Variants in MAPRE2 observed in about 807,000 individuals in gnomAD.
MAPRE2 encodes microtubule associated protein RP/EB family member 2.
Under a neutral mutation model 43.2 loss-of-function variants are expected in MAPRE2, and 13 were observed. That is an observed-to-expected ratio of 0.30 (90% CI 0.20 to 0.48). MAPRE2 has a LOEUF of 0.48. MAPRE2 is among the 20% of genes least tolerant of loss of function. The probability of loss-of-function intolerance (pLI) is 0.99; values close to 1 mark genes in which losing one functional copy is unlikely to be tolerated. For missense variants in MAPRE2, 161 were observed against 400.2 expected (o/e 0.40, Z 5.10); for synonymous variants, 135 against 148.8 (o/e 0.91, Z 0.68).
intron 1 of MAPRE2, among the ~76,000 whole-genome samples, chr18:34,979,386 G>A (rs544007080): frequency 6.6e-6 from 1 of 152,274 alleles, no homozygotes; most frequent in South Asian, 2.1e-4. Context: ...TAATTACAGC[G>A]AGTAGTTTGT....
intron 2 of MAPRE2, among the ~76,000 whole-genome samples, chr18:35,032,561 G>A (rs768143885): frequency 5.9e-5 from 9 of 152,160 alleles, no homozygotes; most frequent in Non-Finnish European, 1.2e-4. Context: ...TCTGGCCTAA[G>A]TTCTAAGAGA....
intron 2 of MAPRE2, among the ~76,000 whole-genome samples, chr18:35,021,630 G>T (rs1165066147): frequency 1.3e-5 from 2 of 152,122 alleles, no homozygotes; most frequent in Non-Finnish European, 2.9e-5. Flanking sequence ...AAGTGCAAGA[G>T]CTTTGGCGAA....
At chr18:35,064,018 A>AAAAAAC in intron 1 of MAPRE2, among the ~76,000 whole-genome samples, 1 of 143,906 alleles carries the variant, frequency 6.9e-6, no homozygotes, top group Non-Finnish European at 1.5e-5. Context: ...AAAAAAAAAA[A>AAAAAAC]AAAAAAAAAA....
chr18:35,140,538 G>A lies in MAPRE2; in HGVS notation c.*169G>A. Reference sequence around the variant, plus strand: ...ACTGCGCTTGGTTCCCATTTTCTTTGCCAAGGTGTATTAGCGGACGGCCCT... The same window carrying A: ...ACTGCGCTTGGTTCCCATTTTCTTTACCAAGGTGTATTAGCGGACGGCCCT... On this transcript the variant is annotated 3_prime_UTR_variant, in exon 7 of 7. Transcript: ENST00000300249. 1 of 687,964 alleles carries A rather than the reference G, an allele frequency of 1.5e-6. No individual in the cohort carries two copies. Among genetic ancestry groups the A allele is most frequent in the Non-Finnish European group, 2.4e-6 (1 of 412,376 alleles). 42.6% of individuals were successfully genotyped at this position (687,964 alleles called of 1,614,324 possible).
At chr18:35,040,328 C>A (rs2097052982), upstream of MAPRE2, among the ~76,000 whole-genome samples, 1 of 152,202 alleles carries the variant, frequency 6.6e-6, no homozygotes, top group African/African-American at 2.4e-5. Flanking sequence ...TCACAGTTAT[C>A]TTTTCACAAC....
intron 4 of MAPRE2, among the ~76,000 whole-genome samples, chr18:35,117,778 G>T (rs1301542134): frequency 6.6e-6 from 1 of 152,162 alleles, no homozygotes; most frequent in Non-Finnish European, 1.5e-5. Context: ...ATAGTGATTG[G>T]ATGTGATACT....
chr18:35,131,595 A>G (rs1343733767), intron 5 of MAPRE2, among the ~76,000 whole-genome samples: 1 of 152,172 alleles, frequency 6.6e-6, no homozygotes, highest in African/African-American at 2.4e-5. Flanking sequence ...ACCCCATGAC[A>G]GCCACCTCCC....
intron 1 of MAPRE2, among the ~76,000 whole-genome samples, chr18:35,046,552 G>A (rs185794110): frequency 2.0e-3 from 308 of 152,280 alleles, no homozygotes; most frequent in African/African-American, 7.1e-3. Flanking sequence ...AAAAGCAGGC[G>A]GGGTAGTTGG....
rs528140887 is a variant in MAPRE2 at position 35,068,473 on chromosome 18, A to G, written c.123-1722A>G. On this transcript the variant is annotated intron_variant, in intron 1 of 6. Coordinates refer to ENST00000300249, the MANE Select transcript of MAPRE2 (RefSeq NM_014268.4). ...TTTTATCAATAAAGGTATAATTTCA[A>G]TGGATTGAAACATATCAAATATGTT... Among the ~76,000 whole-genome samples the G allele has an allele frequency of 5.9e-5, 9 of 152,358 alleles. No individual in the cohort carries two copies. The South Asian group carries it at 8.3e-4, about 14-fold the overall frequency.
intron 1 of MAPRE2, among the ~76,000 whole-genome samples, chr18:35,068,392 C>T (rs1408392687): frequency 1.3e-5 from 2 of 152,120 alleles, no homozygotes; most frequent in Non-Finnish European, 2.9e-5. Flanking sequence ...TTATCAAAGA[C>T]CACTAAGACT....
intron 2 of MAPRE2, among the ~76,000 whole-genome samples, chr18:35,091,984 A>G (rs559210859): frequency 4.6e-5 from 7 of 152,370 alleles, no homozygotes; most frequent in Non-Finnish European, 8.8e-5. Flanking sequence ...CAGAAGGCCA[A>G]GGGAAAGCAG....
At chr18:35,061,574 C>T (rs562293507) in intron 1 of MAPRE2, among the ~76,000 whole-genome samples, 1 of 152,184 alleles carries the variant, frequency 6.6e-6, no homozygotes, top group Non-Finnish European at 1.5e-5. Context: ...AAAATACGTG[C>T]AGGTCTGCCC....
At position 35,057,844 on chromosome 18, in the gene MAPRE2, G is replaced by A. The variant is rs377349501; in HGVS notation, c.123-12351G>A. Among the ~76,000 whole-genome samples, 7 of 152,240 alleles carry A rather than the reference G, an allele frequency of 4.6e-5. No individual in the cohort carries two copies. The South Asian group carries it at 8.3e-4, about 18-fold the overall frequency. ...TTTGGGGACGATGCCCTACGAAGCT[G>A]GTAGTGAAATAATGCTCCTAGTTTT... On this transcript the variant is annotated intron_variant, in intron 1 of 6. Transcript: ENST00000300249.
At chr18:35,036,890 C>G (rs1273504733), upstream of MAPRE2, among the ~76,000 whole-genome samples, 5 of 152,158 alleles carry the variant, frequency 3.3e-5, no homozygotes, top group African/African-American at 4.8e-5. Context: ...ACTCCTGAAG[C>G]CCTTGCTCTA....
At chr18:35,056,038 AT>A (rs1042409916) in intron 1 of MAPRE2, among the ~76,000 whole-genome samples, 9 of 151,678 alleles carry the variant, frequency 5.9e-5, no homozygotes, top group African/African-American at 2.2e-4. Flanking sequence ...TTTTAATTTT[AT>A]TTTTTATCTG....
intron 2 of MAPRE2, among the ~76,000 whole-genome samples, chr18:35,085,874 G>A (rs1236226364): frequency 3.9e-5 from 6 of 152,130 alleles, no homozygotes; most frequent in African/African-American, 1.2e-4. Flanking sequence ...AGATCCAAAG[G>A]CCAACATAGT....
intron 1 of MAPRE2, among the ~76,000 whole-genome samples, chr18:35,046,714 A>G (rs1270634111): frequency 6.6e-6 from 1 of 152,208 alleles, no homozygotes; most frequent in Non-Finnish European, 1.5e-5. Flanking sequence ...AATCACTAGA[A>G]AATACTTAAT....
intron 4 of MAPRE2, among the ~76,000 whole-genome samples, chr18:35,109,544 T>C (rs1393389699): frequency 1.3e-5 from 2 of 152,202 alleles, no homozygotes; most frequent in Non-Finnish European, 2.9e-5. Context: ...TAAATTATTT[T>C]GGGAAGTATG....
At chr18:35,030,778 A>C (rs959445653) in intron 2 of MAPRE2, among the ~76,000 whole-genome samples, 4 of 151,888 alleles carry the variant, frequency 2.6e-5, no homozygotes, top group Non-Finnish European at 5.9e-5. Context: ...TTTCTCTGTG[A>C]TCTTTCTGAC....
Sources: allele counts gnomAD v4.1 joint callset (sites outside exome capture counted in the v4.1 genomes callset), GRCh38; gene constraint gnomAD v4.1.1; transcripts MANE v1.5; gene names NCBI Gene and HGNC (gene_info 2026-07-23, HGNC 2026-07-21).